The following EPB41L2 variants were observed in gnomAD, a reference collection of about 807,000 sequenced individuals.
EPB41L2 encodes the protein erythrocyte membrane protein band 4.1 like 2, also known as band 4.1-like protein 2.
A neutral mutation model predicts 113.0 loss-of-function variants in EPB41L2; 43 were observed. That is an observed-to-expected ratio of 0.38 (90% CI 0.30 to 0.49). The LOEUF (loss-of-function observed/expected upper bound fraction) is 0.49, where lower values mean the gene tolerates loss of function less well. Ranked by LOEUF, EPB41L2 falls within the 20% of genes least tolerant of loss-of-function variation. The pLI is 0.95. For missense variants in EPB41L2, 1,147 were observed against 1,223.4 expected (o/e 0.94, Z 0.93); for synonymous variants, 442 against 436.7 (o/e 1.01, Z -0.15).
chr6:130,860,746 G>T (rs1781765571), intron 18 of EPB41L2, among the ~76,000 whole-genome samples: 2 of 152,006 alleles, frequency 1.3e-5, no homozygotes, highest in Non-Finnish European at 2.9e-5. Context: ...GTGTTAGCCA[G>T]GATGGTCTCG....
At chr6:130,989,469 A>AG (rs1781335791) in intron 1 of EPB41L2, among the ~76,000 whole-genome samples, 1 of 136,402 alleles carries the variant, frequency 7.3e-6, no homozygotes, top group Non-Finnish European at 1.6e-5. Flanking sequence ...TGGGCTGAGT[A>AG]GAAAAAAAAA....
intron 1 of EPB41L2, among the ~76,000 whole-genome samples, chr6:131,053,816 G>A (rs149693547): frequency 4.1e-4 from 62 of 152,214 alleles, no homozygotes; most frequent in African/African-American, 1.2e-3. Flanking sequence ...TCATTCTTTC[G>A]ACCTCCAACG....
At chr6:130,966,131 G>A (rs1170627215) in intron 1 of EPB41L2, among the ~76,000 whole-genome samples, 1 of 152,174 alleles carries the variant, frequency 6.6e-6, no homozygotes, top group Non-Finnish European at 1.5e-5. Flanking sequence ...GCGGCCTGCA[G>A]GCCACAGGTT....
At chr6:131,045,848 A>C (rs1171855090) in intron 1 of EPB41L2, among the ~76,000 whole-genome samples, 1 of 152,154 alleles carries the variant, frequency 6.6e-6, no homozygotes, top group Admixed American at 6.5e-5. Flanking sequence ...AACAAAAACC[A>C]CAAGAGATTT....
chr6:131,043,072 G>A (rs763348377), intron 1 of EPB41L2, among the ~76,000 whole-genome samples: 5 of 152,154 alleles, frequency 3.3e-5, no homozygotes, highest in Admixed American at 6.5e-5. Context: ...GCCGAGGCAG[G>A]CAGATTACTT....
Position 130,955,253 on chromosome 6 carries a change from T to C in EPB41L2, c.557A>G (p.Glu186Gly), listed in dbSNP as rs1817015195. The C allele has an allele frequency of 3.7e-6, 6 of 1,614,040 alleles. No individual in the cohort carries two copies. The highest frequency in any genetic ancestry group is 5.1e-6 in the Non-Finnish European group (6 of 1,180,042). Residue 186 changes from glutamate (E) to glycine (G), a missense_variant, in exon 3 of 20, where the codon GAA becomes GGA. Physicochemically the swap from Glu to Gly is moderately conservative, Grantham distance 98 (BLOSUM62 -2). Coordinates refer to ENST00000337057, the MANE Select transcript of EPB41L2 (RefSeq NM_001431.4). ...KVKETQEDKL[E>G]GGAAKRETKE... The stretch of plus-strand genomic sequence containing the variant: ...GGTCTCCCTTTTTGCTGCTCCTCCT[T>C]CTAATTTGTCTTCCTGTGTTTCTTT...
intron 5 of EPB41L2, 59 bp from the exon 6 acceptor site, chr6:130,904,599 T>C (rs1332288765): frequency 3.3e-6 from 4 of 1,195,418 alleles, no homozygotes; most frequent in Non-Finnish European, 3.6e-6. Context: ...ACTATTGTGA[T>C]AAAATTTAAA....
intron 6 of EPB41L2, among the ~76,000 whole-genome samples, chr6:130,902,657 A>C (rs1279767336): frequency 2.0e-5 from 3 of 152,212 alleles, no homozygotes; most frequent in Admixed American, 2.0e-4. Flanking sequence ...TCTAATAAAC[A>C]ACAGTGATGT....
intron 3 of EPB41L2, among the ~76,000 whole-genome samples, chr6:130,942,947 T>C (rs1811395109): frequency 6.6e-6 from 1 of 152,244 alleles, no homozygotes; most frequent in Non-Finnish European, 1.5e-5. Flanking sequence ...TATGGCTGCA[T>C]AGTATTCTAC....
At chr6:131,003,227 G>A (rs1397977406) in intron 1 of EPB41L2, among the ~76,000 whole-genome samples, 4 of 152,134 alleles carry the variant, frequency 2.6e-5, no homozygotes, top group Non-Finnish European at 5.9e-5. Context: ...CTCACTTTGT[G>A]AAATGTACAA....
intron 3 of EPB41L2, among the ~76,000 whole-genome samples, chr6:130,950,285 C>A (rs1814444056): frequency 6.6e-6 from 1 of 151,524 alleles, no homozygotes. Flanking sequence ...ATGATAAAAC[C>A]AAGTTGTTTC....
At chr6:131,049,550 A>C (rs1026021525) in intron 1 of EPB41L2, among the ~76,000 whole-genome samples, 2 of 152,254 alleles carry the variant, frequency 1.3e-5, no homozygotes, top group African/African-American at 4.8e-5. Flanking sequence ...AGAGTCTAGA[A>C]GCAACTAAAC....
At chr6:130,870,476 C>A in intron 14 of EPB41L2, 1 of 1,246,438 alleles carries the variant, frequency 8.0e-7, no homozygotes, top group Non-Finnish European at 1.1e-6. Context: ...GACAAAACAG[C>A]AAGAATCAAC....
chr6:130,872,569 A>C (rs1321855235), intron 14 of EPB41L2: 1 of 1,282,924 alleles, frequency 7.8e-7, no homozygotes, highest in South Asian at 1.2e-5. Flanking sequence ...AGAGCAAAGA[A>C]TTAGCAATAA....
intron 12 of EPB41L2, chr6:130,882,229 C>G (rs910544260): frequency 6.6e-6 from 1 of 152,224 alleles, no homozygotes; most frequent in Non-Finnish European, 1.5e-5. Flanking sequence ...CCTCCTCCCC[C>G]ACACCTTCTG....
intron 1 of EPB41L2, among the ~76,000 whole-genome samples, chr6:130,969,790 C>G (rs1030109019): frequency 6.6e-6 from 1 of 152,166 alleles, no homozygotes; most frequent in African/African-American, 2.4e-5. Context: ...AAGAAAGTAA[C>G]TGCACACTAT....
At chr6:130,951,488 C>T (rs867652029) in intron 3 of EPB41L2, among the ~76,000 whole-genome samples, 6 of 151,590 alleles carry the variant, frequency 4.0e-5, no homozygotes, top group Middle Eastern at 6.8e-3. Flanking sequence ...CCACGCCCGG[C>T]TAAAATTTTT....
intron 3 of EPB41L2, among the ~76,000 whole-genome samples, chr6:130,936,534 T>A (rs764008696): frequency 2.0e-5 from 3 of 152,164 alleles, no homozygotes; most frequent in Non-Finnish European, 4.4e-5. Flanking sequence ...TACAAAGACA[T>A]TGCAAATATA....
chr6:130,859,274 C>T (rs901037587), intron 18 of EPB41L2, among the ~76,000 whole-genome samples: 4 of 152,174 alleles, frequency 2.6e-5, no homozygotes, highest in Non-Finnish European at 5.9e-5. Flanking sequence ...GTAATCCCAG[C>T]ACTTTGGGAC....
Sources: gnomAD v4.1 joint callset for allele counts (sites outside exome capture counted in the v4.1 genomes callset) on GRCh38, gnomAD v4.1.1 for gene constraint, MANE v1.5 for transcripts, NCBI Gene and HGNC (gene_info 2026-07-23, HGNC 2026-07-21) for gene names.